Variants in BRF1 observed in about 807,000 individuals in gnomAD.
BRF1 encodes BRF1 general transcription factor IIIB subunit, also known as transcription factor IIIB 90 kDa subunit.
BRF1 carries 59 observed loss-of-function variants against 81.7 expected under a neutral mutation model. That is an observed-to-expected ratio of 0.72 (90% CI 0.59 to 0.90). The LOEUF (loss-of-function observed/expected upper bound fraction) is 0.90, where lower values mean the gene tolerates loss of function less well. BRF1 is among the 40% of genes least tolerant of loss of function. The probability of loss-of-function intolerance (pLI) is 0.00; values close to 1 mark genes in which losing one functional copy is unlikely to be tolerated. For missense variants in BRF1, 1,050 were observed against 936.3 expected, an observed-to-expected ratio of 1.12 and a Z score of -1.58; for synonymous variants, 491 against 395.6, an observed-to-expected ratio of 1.24 and a Z score of -2.86.
chr14:105,218,006 T>C (rs1401277473), intron 14 of BRF1, among the ~76,000 whole-genome samples: 1 of 151,830 alleles, frequency 6.6e-6, no homozygotes, highest in Non-Finnish European at 1.5e-5. Context: ...CCCAGGTGAG[T>C]GGGGCACGTG....
chr14:105,311,979 C>T (rs1368181509), intron 1 of BRF1, among the ~76,000 whole-genome samples: 1 of 152,216 alleles, frequency 6.6e-6, no homozygotes, highest in Non-Finnish European at 1.5e-5. Flanking sequence ...CTTCCTCAGC[C>T]CAGCTCCTGG....
chr14:105,293,633 G>A lies in BRF1; in HGVS notation c.184+6813C>T, dbSNP rs994770994. ...TCAGTGGAGCAGACGGCCTCCTCAG[G>A]GCACTGCCAACGGCCCCCAACTCCA... On this transcript the variant is annotated intron_variant, in intron 1 of 17. Transcript: ENST00000547530. 3.9e-5 allele frequency among the ~76,000 whole-genome samples: 6 copies of A among 152,168 alleles called. No individual in the cohort carries two copies. The South Asian group carries it at 1.2e-3, about 31-fold the overall frequency.
At chr14:105,211,566 A>C (rs1230478877) in intron 16 of BRF1, 3 of 499,158 alleles carry the variant, frequency 6.0e-6, no homozygotes, top group Non-Finnish European at 1.1e-5. Context: ...CTCGGGGAGC[A>C]TGCAGAACAC....
intron 4 of BRF1, among the ~76,000 whole-genome samples, chr14:105,254,044 G>A (rs768820573): frequency 5.3e-5 from 8 of 152,152 alleles, no homozygotes; most frequent in Non-Finnish European, 1.0e-4. Flanking sequence ...TGATCGTCCT[G>A]ATCCCACCAT....
In BRF1 at chr14:105,270,692, AAG is replaced by A. The variant is rs1419728538; in HGVS notation, c.439+2027_439+2028del. Among the ~76,000 whole-genome samples, 41 of 152,090 alleles carry A rather than the reference AAG, an allele frequency of 2.7e-4. No individual in the cohort carries two copies. The Middle Eastern group carries it at 0.01, about 38-fold the overall frequency. On this transcript the variant is annotated intron_variant, in intron 3 of 17. Transcript: ENST00000547530. ...TGTAATCCCAGCTACTCGAGAGGCT[AAG>A]GCACAAGAATTGCTTGAACCTGGGA...
At position 105,210,980 on chromosome 14, in the gene BRF1, A is replaced by G. The variant is rs1054763767; in HGVS notation, c.1996+142T>C. The stretch of plus-strand genomic sequence containing the variant: ...TCACAATCGACATGACCAATTTACA[A>G]AATGTCTTAGTTCAAATTTCTTTCC... On this transcript the variant is annotated intron_variant, in intron 17 of 17. Coordinates refer to ENST00000547530, the MANE Select transcript of BRF1 (RefSeq NM_001519.4). The surrounding 1 kb of genome is among the most constrained non-coding windows in gnomAD (Gnocchi z 4.7). 6.9e-7 allele frequency: 1 copy of G among 1,444,014 alleles called. No homozygotes were observed. The highest frequency in any genetic ancestry group is 2.1e-5 in the Admixed American group (1 of 48,768). The allele number at this position is 1,444,014 out of a possible 1,614,324, so 89.5% of individuals were successfully genotyped here.
At chr14:105,313,403 A>G (rs1702344410) in intron 1 of BRF1, among the ~76,000 whole-genome samples, 1 of 152,210 alleles carries the variant, frequency 6.6e-6, no homozygotes, top group South Asian at 2.1e-4. Context: ...GCAGCTGGCC[A>G]AGGTCAGACA....
intron 1 of BRF1, among the ~76,000 whole-genome samples, chr14:105,306,647 C>T (rs775917354): frequency 2.8e-4 from 43 of 151,666 alleles, no homozygotes; most frequent in Admixed American, 1.8e-3. Flanking sequence ...GCTGTGTCGC[C>T]CAGGCTGTAG....
chr14:105,314,945 CCCCGGCGCG>C lies in BRF1; in HGVS notation c.-162+368_-162+376del. 5 of 1,168,516 alleles carry C rather than the reference CCCCGGCGCG, an allele frequency of 4.3e-6. No homozygotes were observed. The highest frequency in any genetic ancestry group is 3.4e-5 in the Admixed American group (1 of 29,638). 72.4% of individuals were successfully genotyped at this position (1,168,516 alleles called of 1,614,324 possible). A position where few individuals can be genotyped will look rare whatever the true frequency, so the allele number is the denominator to read the frequency against. On this transcript the variant is annotated intron_variant, in intron 1 of 17. Transcript: ENST00000327359. ...TGGCCGAGCGAGGCCGCCTCGGCCT[CCCCGGCGCG>C]CCCGGCGCGCTCAACACGCCCGTGC... is the stretch of plus-strand genomic sequence containing the variant.
intron 5 of BRF1, chr14:105,249,550 C>T: frequency 1.3e-6 from 2 of 1,592,588 alleles, no homozygotes; most frequent in Non-Finnish European, 1.7e-6. Flanking sequence ...TGAAGGGAAG[C>T]ACACAGGAGC....
intron 5 of BRF1, chr14:105,246,762 T>C (rs1372513782): frequency 6.7e-5 from 65 of 970,744 alleles, no homozygotes; most frequent in Non-Finnish European, 7.8e-5. Flanking sequence ...CAACCTACAC[T>C]GTAACATATT....
chr14:105,296,984 C>T (rs920653207), intron 1 of BRF1, among the ~76,000 whole-genome samples: 28 of 151,746 alleles, frequency 1.8e-4, no homozygotes, highest in African/African-American at 6.0e-4. Flanking sequence ...ATGGTGAAAC[C>T]CTGTCTCTAC....
rs587606865 is a variant in BRF1 at position 105,293,707 on chromosome 14, C to G, written c.184+6739G>C. On this transcript the variant is annotated intron_variant, in intron 1 of 17. Coordinates refer to ENST00000547530, the MANE Select transcript of BRF1 (RefSeq NM_001519.4). ...ACGCTGAGCCTCAGTCCTCACCCAC[C>G]CTTCTCTCTGCACAGTCTCTGCTCG... Among the ~76,000 whole-genome samples the G allele has an allele frequency of 2.0e-5, 3 of 152,320 alleles. No individual in the cohort carries two copies. The South Asian group carries it at 6.2e-4, about 32-fold the overall frequency.
At position 105,249,247 on chromosome 14, in the gene BRF1, G is replaced by A. The variant is rs1279853955; in HGVS notation, c.544+3260C>T. On this transcript the variant is annotated intron_variant, in intron 5 of 17. Coordinates refer to ENST00000547530, the MANE Select transcript of BRF1 (RefSeq NM_001519.4). ...CGACCAGGACGGTGCCCGCCCACAA[G>A]GTGGGTAGCGGCGGCCCCTCTCGGA... is the stretch of plus-strand genomic sequence containing the variant. 4 of 1,572,746 alleles carry A rather than the reference G, an allele frequency of 2.5e-6. No homozygotes were observed. In the African/African-American group the frequency reaches 4.0e-5, roughly 16 times the overall value.
chr14:105,242,778 A>C (rs1309771841), intron 5 of BRF1, among the ~76,000 whole-genome samples: 2 of 147,130 alleles, frequency 1.4e-5, no homozygotes, highest in Non-Finnish European at 3.0e-5. Context: ...ACGCTTATAG[A>C]CTGGGCAATA....
chr14:105,294,278 A>T (rs1270914256), intron 1 of BRF1, among the ~76,000 whole-genome samples: 2 of 152,272 alleles, frequency 1.3e-5, no homozygotes, highest in Non-Finnish European at 2.9e-5. Flanking sequence ...CCCTCCAGAG[A>T]GTGTGCCTGG....
At chr14:105,305,042 A>G (rs1221317353), upstream of BRF1, among the ~76,000 whole-genome samples, 2 of 152,110 alleles carry the variant, frequency 1.3e-5, no homozygotes, top group African/African-American at 2.4e-5. Flanking sequence ...GGTTTTAGAG[A>G]GGTGGGGCCT....
chr14:105,265,580 CT>C (rs764604866), intron 3 of BRF1, among the ~76,000 whole-genome samples: 89 of 152,030 alleles, frequency 5.9e-4, no homozygotes, highest in Non-Finnish European at 1.0e-3. Flanking sequence ...GGTGAAACCC[CT>C]CTCTACTAAA....
At chr14:105,257,451 C>T (rs2055936107) in intron 3 of BRF1, among the ~76,000 whole-genome samples, 1 of 152,210 alleles carries the variant, frequency 6.6e-6, no homozygotes, top group Non-Finnish European at 1.5e-5. Context: ...CCTGACCTCT[C>T]TTGCAACTCC....
Sources: gnomAD v4.1 joint callset for allele counts (sites outside exome capture counted in the v4.1 genomes callset) on GRCh38, gnomAD v4.1.1 for gene constraint, Gnocchi (gnomAD v3.1) non-coding constraint, MANE v1.5 for transcripts, NCBI Gene and HGNC (gene_info 2026-07-23, HGNC 2026-07-21) for gene names.